BMAL1: variants seen among roughly 807,000 people sequenced by gnomAD.
BMAL1 encodes basic helix-loop-helix ARNT like 1.
the BMAL1 span, among the ~76,000 whole-genome samples, chr11:13,300,507 T>C: frequency 6.6e-6 from 1 of 152,220 alleles, no homozygotes; most frequent in Admixed American, 6.5e-5. Context: ...AAAGACTGTG[T>C]GTATAAAAGT....
chr11:13,323,727 G>A, the BMAL1 span, among the ~76,000 whole-genome samples: 4 of 151,968 alleles, frequency 2.6e-5, no homozygotes, highest in Non-Finnish European at 4.4e-5. Context: ...AGAAATTCTC[G>A]TGCCTCAGCC....
the BMAL1 span, chr11:13,357,214 C>A: frequency 1.4e-6 from 2 of 1,430,232 alleles, 1 homozygote; most frequent in Middle Eastern, 4.6e-4. This position sits in a 1 kb window ranked among gnomAD's most constrained non-coding sequence, Gnocchi z 4.8. Flanking sequence ...CTGTCACCTC[C>A]TTAGGGAATA....
the BMAL1 span, among the ~76,000 whole-genome samples, chr11:13,333,538 C>G: frequency 3.3e-5 from 5 of 152,314 alleles, no homozygotes; most frequent in African/African-American, 9.6e-5. Flanking sequence ...CACACCCTGG[C>G]TATCAGCACT....
chr11:13,277,642 G>A, the BMAL1 span: 3 of 151,444 alleles, frequency 2.0e-5, no homozygotes, highest in African/African-American at 7.3e-5. Context: ...CTCCCTTCGG[G>A]CGTTCGGATT....
At chr11:13,386,101 G>C in the BMAL1 span, among the ~76,000 whole-genome samples, 1 of 152,310 alleles carries the variant, frequency 6.6e-6, no homozygotes, top group Non-Finnish European at 1.5e-5. Context: ...GCCTAGAAGG[G>C]TGATTAGTAA....
chr11:13,312,716 G>C, the BMAL1 span, among the ~76,000 whole-genome samples: 1 of 152,162 alleles, frequency 6.6e-6, no homozygotes, highest in African/African-American at 2.4e-5. Flanking sequence ...ATTTTGTCTT[G>C]TTTTTCACTG....
At chr11:13,385,720 C>T in the BMAL1 span, 2 of 1,613,566 alleles carry the variant, frequency 1.2e-6, no homozygotes, top group Admixed American at 3.3e-5. Flanking sequence ...GACATTCCTT[C>T]CAGTGGCCTA....
chr11:13,282,837 C>T, the BMAL1 span, among the ~76,000 whole-genome samples: 2 of 152,166 alleles, frequency 1.3e-5, no homozygotes, highest in South Asian at 4.1e-4. Flanking sequence ...AGCCTTTAGG[C>T]CATGGTTGTC....
chr11:13,280,742 T>A, the BMAL1 span, among the ~76,000 whole-genome samples: 3 of 152,224 alleles, frequency 2.0e-5, no homozygotes, highest in Non-Finnish European at 4.4e-5. Flanking sequence ...ACCCACCTTG[T>A]CTTTTCTTCT....
At chr11:13,284,110 G>GTGTGTATATATA in the BMAL1 span, among the ~76,000 whole-genome samples, 7 of 48,490 alleles carry the variant, frequency 1.4e-4, 2 homozygotes, top group East Asian at 4.6e-4. Flanking sequence ...GTGTGTGTGT[G>GTGTGTATATATA]TATATATATG....
At chr11:13,355,993 G>A in the BMAL1 span, among the ~76,000 whole-genome samples, 679 of 152,268 alleles carry the variant, frequency 4.5e-3, 3 homozygotes, top group Non-Finnish European at 7.1e-3. Context: ...AAGGCGGTGA[G>A]GGGGATTTGG....
the BMAL1 span, among the ~76,000 whole-genome samples, chr11:13,367,508 C>A: frequency 6.6e-6 from 1 of 152,016 alleles, no homozygotes; most frequent in Non-Finnish European, 1.5e-5. Context: ...TGCAACCAAC[C>A]TGGCCAACAT....
chr11:13,336,841 C>A, the BMAL1 span, among the ~76,000 whole-genome samples: 2 of 152,340 alleles, frequency 1.3e-5, no homozygotes, highest in South Asian at 4.1e-4. Context: ...GGTCCCTTAA[C>A]ACTCGCTGTT....
At chr11:13,372,957 CAGT>C in the BMAL1 span, among the ~76,000 whole-genome samples, 19 of 152,218 alleles carry the variant, frequency 1.2e-4, no homozygotes, top group South Asian at 4.1e-4. Context: ...AAAAGAAAAA[CAGT>C]AGGGATAGCA....
At chr11:13,363,931 C>T in the BMAL1 span, among the ~76,000 whole-genome samples, 1 of 152,176 alleles carries the variant, frequency 6.6e-6, no homozygotes, top group African/African-American at 2.4e-5. Flanking sequence ...AGCCTCCCCT[C>T]GCTGATGCAT....
chr11:13,289,094 T>C, the BMAL1 span, among the ~76,000 whole-genome samples: 1 of 152,252 alleles, frequency 6.6e-6, no homozygotes, highest in Non-Finnish European at 1.5e-5. Context: ...TGACTCCTTA[T>C]CTGTGGAACA....
chr11:13,363,926 C>T, the BMAL1 span, among the ~76,000 whole-genome samples: 1 of 152,142 alleles, frequency 6.6e-6, no homozygotes, highest in Non-Finnish European at 1.5e-5. Flanking sequence ...TCCAGAGCCT[C>T]CCCTCGCTGA....
chr11:13,321,682 G>T, the BMAL1 span, among the ~76,000 whole-genome samples: 1 of 152,080 alleles, frequency 6.6e-6, no homozygotes, highest in Non-Finnish European at 1.5e-5. Context: ...TATTAGTGGG[G>T]CCCCAGGGTC....
chr11:13,333,993 G>A, the BMAL1 span, among the ~76,000 whole-genome samples: 1 of 152,136 alleles, frequency 6.6e-6, no homozygotes, highest in East Asian at 1.9e-4. Flanking sequence ...ATTAATCCCA[G>A]TAAAGGTAAC....
Sources: allele counts gnomAD v4.1 joint callset (sites outside exome capture counted in the v4.1 genomes callset), GRCh38; gene constraint gnomAD v4.1.1; non-coding constraint Gnocchi (gnomAD v3.1); transcripts MANE v1.5; gene names NCBI Gene and HGNC (gene_info 2026-07-23, HGNC 2026-07-21).